Variants in CA10 observed in about 807,000 individuals in gnomAD.
CA10 encodes the protein carbonic anhydrase-related protein 10.
Under a neutral mutation model 44.2 loss-of-function variants are expected in CA10, and 14 were observed. That is an observed-to-expected ratio of 0.32 (90% confidence interval 0.21 to 0.50). The LOEUF (loss-of-function observed/expected upper bound fraction) is 0.50, where lower values mean the gene tolerates loss of function less well. Among genes scored for constraint, CA10 ranks in the 20% least tolerant of loss-of-function variants. The pLI is 0.99. For missense variants in CA10, 350 were observed against 409.7 expected, an observed-to-expected ratio of 0.85 and a Z score of 1.26; for synonymous variants, 159 against 141.6, an observed-to-expected ratio of 1.12 and a Z score of -0.87.
intron 1 of CA10, among the ~76,000 whole-genome samples, chr17:52,143,100 A>ATTTTTG (rs2143389076): frequency 6.6e-6 from 1 of 152,332 alleles, no homozygotes; most frequent in Admixed American, 6.5e-5. Context: ...CACCAGATTA[A>ATTTTTG]TAATAAAATA....
chr17:51,769,108 C>T (rs1240820225), intron 3 of CA10, among the ~76,000 whole-genome samples: 1 of 152,116 alleles, frequency 6.6e-6, no homozygotes, highest in African/African-American at 2.4e-5. Context: ...GTTAAGGCAA[C>T]TCAATGAGAA....
intron 3 of CA10, among the ~76,000 whole-genome samples, chr17:51,820,929 A>G (rs1185224284): frequency 6.6e-6 from 1 of 152,030 alleles, no homozygotes; most frequent in East Asian, 1.9e-4. Context: ...TCCAGTAGAA[A>G]TCTTGAGGAT....
chr17:51,660,637 C>T (rs114684421), intron 4 of CA10, among the ~76,000 whole-genome samples: 1 of 152,160 alleles, frequency 6.6e-6, no homozygotes, highest in African/African-American at 2.4e-5. Flanking sequence ...CCTTTCTCAG[C>T]GTGATGCTCC....
At chr17:52,045,773 T>G (rs1186916854) in intron 2 of CA10, among the ~76,000 whole-genome samples, 3 of 152,002 alleles carry the variant, frequency 2.0e-5, no homozygotes, top group African/African-American at 7.2e-5. Flanking sequence ...ACATGTATTT[T>G]AAAACTCCAC....
chr17:51,912,884 A>T (rs879382740), intron 3 of CA10, among the ~76,000 whole-genome samples: 2 of 152,254 alleles, frequency 1.3e-5, no homozygotes, highest in Non-Finnish European at 2.9e-5. Flanking sequence ...CTCAAAGTAC[A>T]TTCTAATAAT....
chr17:51,958,456 G>T (rs1983751243), intron 2 of CA10, among the ~76,000 whole-genome samples: 1 of 151,982 alleles, frequency 6.6e-6, no homozygotes, highest in Non-Finnish European at 1.5e-5. Context: ...GATAGCACAG[G>T]GTGAAATGTT....
At chr17:51,662,274 C>T (rs960358378) in intron 4 of CA10, among the ~76,000 whole-genome samples, 5 of 152,134 alleles carry the variant, frequency 3.3e-5, no homozygotes, top group Admixed American at 3.3e-4. Flanking sequence ...AAATGCCCAC[C>T]CTATGCCAGA....
intron 4 of CA10, among the ~76,000 whole-genome samples, chr17:51,704,823 T>A (rs900441978): frequency 7.2e-5 from 11 of 151,810 alleles, no homozygotes; most frequent in African/African-American, 2.7e-4. Flanking sequence ...ATTAGCCGGG[T>A]GTGATGGCAT....
At chr17:52,128,092 T>G (rs1337076604) in intron 1 of CA10, among the ~76,000 whole-genome samples, 1 of 152,226 alleles carries the variant, frequency 6.6e-6, no homozygotes, top group Non-Finnish European at 1.5e-5. Context: ...GAAATCTGAA[T>G]CTGGGCTGGG....
chr17:51,646,262 T>G (rs1035820470), intron 6 of CA10, among the ~76,000 whole-genome samples: 1 of 152,218 alleles, frequency 6.6e-6, no homozygotes, highest in Non-Finnish European at 1.5e-5. Flanking sequence ...TCTGAAGGAC[T>G]TCGTGAGCAC....
intron 2 of CA10, among the ~76,000 whole-genome samples, chr17:51,946,108 C>T (rs2144024785): frequency 6.6e-6 from 1 of 152,236 alleles, no homozygotes; most frequent in Admixed American, 6.5e-5. Flanking sequence ...TAGTTGAACT[C>T]ACAGAAGCAG....
chr17:52,072,522 C>T lies in CA10; in HGVS notation c.62-129G>A, dbSNP rs1987706575. On this transcript the variant is annotated intron_variant, in intron 1 of 8. Coordinates refer to ENST00000451037, the MANE Select transcript of CA10 (RefSeq NM_020178.5). ...ACCCCAAAGTCATACTACAACAGAACCTTCCTTCTCCCTTCCCTTTTTTTT... is the reference window on the plus strand; with the variant it reads ...ACCCCAAAGTCATACTACAACAGAATCTTCCTTCTCCCTTCCCTTTTTTTT... 9.5e-6 allele frequency: 5 copies of T among 524,812 alleles called. No homozygotes were observed. In the South Asian group the frequency reaches 1.1e-4, roughly 11 times the overall value. The allele number at this position is 524,812 out of a possible 1,614,324, so 32.5% of individuals were successfully genotyped here. A position where few individuals can be genotyped will look rare whatever the true frequency, so the allele number is the denominator to read the frequency against.
At chr17:51,948,494 G>C (rs894061556) in intron 2 of CA10, among the ~76,000 whole-genome samples, 5 of 152,178 alleles carry the variant, frequency 3.3e-5, no homozygotes, top group Non-Finnish European at 5.9e-5. Context: ...TTCCAGTTCT[G>C]CAAGGGCCTC....
intron 3 of CA10, among the ~76,000 whole-genome samples, chr17:51,826,118 G>A (rs1307750526): frequency 9.9e-5 from 15 of 152,254 alleles, no homozygotes; most frequent in Admixed American, 9.8e-4. Context: ...TGGGAGGCCT[G>A]AGGTTTCTGT....
At chr17:52,024,591 G>A (rs532313093) in intron 2 of CA10, among the ~76,000 whole-genome samples, 65 of 152,106 alleles carry the variant, frequency 4.3e-4, no homozygotes, top group Non-Finnish European at 7.4e-4. Flanking sequence ...AAGTAGCAGC[G>A]TGGCATATTG....
Position 51,887,287 on chromosome 17 carries a change from C to T in CA10, c.279+43703G>A, listed in dbSNP as rs146058005. ...TAGAACTGCTCTTAAAGAATAGACA[C>T]GCAGAAAGAAGCCTCTAGGCTGAGG... On this transcript the variant is annotated intron_variant, in intron 3 of 8. Coordinates refer to ENST00000451037, the MANE Select transcript of CA10 (RefSeq NM_020178.5). Among the ~76,000 whole-genome samples the T allele has an allele frequency of 7.2e-4, 110 of 152,128 alleles. 1 individual carries two copies. In the East Asian group the frequency reaches 0.02, roughly 28 times the overall value.
At chr17:51,650,101 C>G (rs1380996226) in intron 5 of CA10, among the ~76,000 whole-genome samples, 4 of 152,108 alleles carry the variant, frequency 2.6e-5, no homozygotes, top group Admixed American at 2.6e-4. Context: ...TGCCTATGCC[C>G]TTATAGCTTC....
chr17:51,997,398 T>C (rs1237766031), intron 2 of CA10, among the ~76,000 whole-genome samples: 1 of 152,082 alleles, frequency 6.6e-6, no homozygotes, highest in Non-Finnish European at 1.5e-5. Context: ...TTTTGCATCA[T>C]GCCAGGTGAC....
intron 2 of CA10, among the ~76,000 whole-genome samples, chr17:52,062,434 A>T (rs549112455): frequency 6.6e-6 from 1 of 152,316 alleles, no homozygotes; most frequent in Admixed American, 6.5e-5. Context: ...AGAGATTAAA[A>T]TGGATAAAAG....
Sources: allele counts gnomAD v4.1 joint callset (sites outside exome capture counted in the v4.1 genomes callset), GRCh38; gene constraint gnomAD v4.1.1; transcripts MANE v1.5; gene names NCBI Gene and HGNC (gene_info 2026-07-23, HGNC 2026-07-21).